Variants in ENOX1 observed in about 807,000 individuals in gnomAD.
The protein encoded by ENOX1 is ecto-NOX disulfide-thiol exchanger 1.
Under a neutral mutation model 82.5 loss-of-function variants are expected in ENOX1, and 42 were observed. That is an observed-to-expected ratio of 0.51 (90% CI 0.40 to 0.66). The LOEUF is 0.66. Among genes scored for constraint, ENOX1 ranks in the 30% least tolerant of loss-of-function variants. The pLI is 0.00. For missense variants in ENOX1, 608 were observed against 811.6 expected, an observed-to-expected ratio of 0.75 and a Z score of 3.05; for synonymous variants, 271 against 282.2, an observed-to-expected ratio of 0.96 and a Z score of 0.40.
intron 3 of ENOX1, among the ~76,000 whole-genome samples, chr13:43,483,179 G>A (rs1214670286): frequency 6.6e-6 from 1 of 152,174 alleles, no homozygotes; most frequent in Non-Finnish European, 1.5e-5. Context: ...AGAAAGTACT[G>A]TGTTCCTTCT....
chr13:43,234,730 G>A (rs1203543136), intron 15 of ENOX1, among the ~76,000 whole-genome samples: 1 of 152,162 alleles, frequency 6.6e-6, no homozygotes, highest in Non-Finnish European at 1.5e-5. Context: ...TGTTATAAAT[G>A]TAATCTTCCT....
chr13:43,530,305 T>C (rs1162452348), intron 2 of ENOX1, among the ~76,000 whole-genome samples: 1 of 152,098 alleles, frequency 6.6e-6, no homozygotes, highest in Non-Finnish European at 1.5e-5. Context: ...TCCAAAAGAA[T>C]CAGAGCTGTA....
At chr13:43,710,350 G>GA (rs994180155) in intron 1 of ENOX1, among the ~76,000 whole-genome samples, 2 of 151,926 alleles carry the variant, frequency 1.3e-5, no homozygotes, top group African/African-American at 2.4e-5. Flanking sequence ...TAGATTAAAT[G>GA]AAAAAAATCA....
chr13:43,601,255 T>C (rs1164890118), intron 2 of ENOX1, among the ~76,000 whole-genome samples: 1 of 152,058 alleles, frequency 6.6e-6, no homozygotes, highest in Non-Finnish European at 1.5e-5. Flanking sequence ...ATTCAAAACA[T>C]CTGATTTAAG....
At chr13:43,323,396 T>C (rs914985936) in intron 10 of ENOX1, among the ~76,000 whole-genome samples, 1 of 152,212 alleles carries the variant, frequency 6.6e-6, no homozygotes, top group Admixed American at 6.5e-5. Context: ...CTTTGTCTAG[T>C]CACTCACAAG....
intron 1 of ENOX1, among the ~76,000 whole-genome samples, chr13:43,771,774 T>A (rs1250324851): frequency 6.6e-6 from 1 of 151,832 alleles, no homozygotes; most frequent in Non-Finnish European, 1.5e-5. Context: ...ATCTCTTTTT[T>A]TTTTCTTTGA....
chr13:43,771,691 T>C (rs1455198701), intron 1 of ENOX1, among the ~76,000 whole-genome samples: 2 of 152,168 alleles, frequency 1.3e-5, no homozygotes, highest in Non-Finnish European at 2.9e-5. Context: ...GGTGATTTTT[T>C]ACCAGAGTTT....
intron 3 of ENOX1, among the ~76,000 whole-genome samples, chr13:43,457,209 T>A (rs1330237166): frequency 2.6e-5 from 4 of 152,256 alleles, no homozygotes; most frequent in Admixed American, 2.6e-4. Flanking sequence ...TTATATGTAC[T>A]TATGTATTTT....
intron 11 of ENOX1, among the ~76,000 whole-genome samples, chr13:43,312,576 T>C (rs1033492816): frequency 1.3e-5 from 2 of 152,172 alleles, no homozygotes; most frequent in African/African-American, 4.8e-5. Context: ...AAAACATGGG[T>C]TGTGACAGTG....
chr13:43,651,080 C>T (rs2084144938), intron 2 of ENOX1, among the ~76,000 whole-genome samples: 1 of 152,140 alleles, frequency 6.6e-6, no homozygotes, highest in African/African-American at 2.4e-5. Context: ...GTTTCTATGA[C>T]AGTTAGAAGG....
chr13:43,485,139 C>T (rs1039202028), intron 2 of ENOX1, among the ~76,000 whole-genome samples: 1 of 152,192 alleles, frequency 6.6e-6, no homozygotes, highest in Non-Finnish European at 1.5e-5. Flanking sequence ...ACCTTAATGG[C>T]TGAGGGTGAC....
chr13:43,473,132 C>A (rs9590766), intron 3 of ENOX1, among the ~76,000 whole-genome samples: 64,827 of 151,928 alleles, frequency 0.43, 14,426 homozygotes, highest in Non-Finnish European at 0.5. Flanking sequence ...TTCTTCACAT[C>A]GTCTCTCAAT....
At chr13:43,308,167 A>G (rs1174037202) in intron 11 of ENOX1, among the ~76,000 whole-genome samples, 1 of 151,988 alleles carries the variant, frequency 6.6e-6, no homozygotes, top group Non-Finnish European at 1.5e-5. Flanking sequence ...CTCCCTTTTC[A>G]AGCCGCCCTT....
chr13:43,379,320 A>C (rs2051865257), intron 5 of ENOX1, among the ~76,000 whole-genome samples: 1 of 152,176 alleles, frequency 6.6e-6, no homozygotes, highest in Non-Finnish European at 1.5e-5. Context: ...AAATGTGACC[A>C]ATAATAATGA....
intron 1 of ENOX1, among the ~76,000 whole-genome samples, chr13:43,719,302 TACACACACAC>T (rs3024232): frequency 0.053 from 6,665 of 126,756 alleles, 299 homozygotes; most frequent in African/African-American, 0.13. Context: ...TTCATTCAAA[TACACACACAC>T]ACACACACAC....
At chr13:43,542,317 A>G (rs1211327688) in intron 2 of ENOX1, among the ~76,000 whole-genome samples, 3 of 149,630 alleles carry the variant, frequency 2.0e-5, no homozygotes, top group Non-Finnish European at 4.4e-5. Context: ...AATTTTTTGT[A>G]GAGACAGGGT....
intron 11 of ENOX1, among the ~76,000 whole-genome samples, chr13:43,307,589 C>A (rs574790414): frequency 8.4e-4 from 128 of 152,278 alleles, no homozygotes; most frequent in African/African-American, 2.5e-3. Context: ...GCTGAAAGGA[C>A]CTTCTCTCCT....
At chr13:43,388,975 C>T (rs543254519) in intron 5 of ENOX1, among the ~76,000 whole-genome samples, 1 of 152,246 alleles carries the variant, frequency 6.6e-6, no homozygotes, top group Non-Finnish European at 1.5e-5. Context: ...CATCAGGAGG[C>T]CCTTAAAGTT....
At chr13:43,570,372 A>G (rs1369597202) in intron 2 of ENOX1, among the ~76,000 whole-genome samples, 1 of 152,168 alleles carries the variant, frequency 6.6e-6, no homozygotes, top group African/African-American at 2.4e-5. Context: ...AACTAGAAAA[A>G]GTGGCAAGAA....
Sources: allele counts gnomAD v4.1 joint callset (sites outside exome capture counted in the v4.1 genomes callset), GRCh38; gene constraint gnomAD v4.1.1; transcripts MANE v1.5; gene names NCBI Gene and HGNC (gene_info 2026-07-23, HGNC 2026-07-21).